FAM78B: variants seen among roughly 807,000 people sequenced by gnomAD.
The protein encoded by FAM78B is protein FAM78B.
A neutral mutation model predicts 20.0 loss-of-function variants in FAM78B; 10 were observed. The observed-to-expected ratio is 0.50, with a 90% confidence interval of 0.31 to 0.85. The LOEUF is 0.85. FAM78B is among the 40% of genes least tolerant of loss of function. The pLI, the probability that FAM78B is intolerant of heterozygous loss-of-function variation, is 0.05. For missense variants in FAM78B, 283 were observed against 345.0 expected, an observed-to-expected ratio of 0.82 and a Z score of 1.42; for synonymous variants, 135 against 132.8, an observed-to-expected ratio of 1.02 and a Z score of -0.12.
chr1:166,114,811 C>T (rs2101762429), intron 1 of FAM78B, among the ~76,000 whole-genome samples: 1 of 152,264 alleles, frequency 6.6e-6, no homozygotes, highest in Non-Finnish European at 1.5e-5. Context: ...TTGTTGTTCT[C>T]TTTTTCCTTC....
Position 166,151,274 on chromosome 1 carries a change from G to T in FAM78B, c.263+14712C>A, listed in dbSNP as rs141861370. 2.9e-3 allele frequency among the ~76,000 whole-genome samples: 444 copies of T among 152,282 alleles called. 3 individuals carry two copies. The highest frequency in any genetic ancestry group is 0.01 in the African/African-American group (425 of 41,554). ...TTACTCTGCTTCAGTTTAACCAGGGGCATTTCTGATAGAACATTTCTTCAA... is the reference window on the plus strand; with the variant it reads ...TTACTCTGCTTCAGTTTAACCAGGGTCATTTCTGATAGAACATTTCTTCAA... On this transcript the variant is annotated intron_variant, in intron 1 of 1. Coordinates refer to ENST00000354422, the MANE Select transcript of FAM78B (RefSeq NM_001017961.5).
chr1:166,069,996 G>A lies in FAM78B; in HGVS notation c.*245C>T. Reference sequence around the variant, plus strand: ...GGTCAGCTCCAAAATATGGCTACTTGCATGGTAATCACAGCAAGTCTGTCA... The same window carrying A: ...GGTCAGCTCCAAAATATGGCTACTTACATGGTAATCACAGCAAGTCTGTCA... On this transcript the variant is annotated 3_prime_UTR_variant, in exon 2 of 2. Transcript: ENST00000354422. 1.6e-6 allele frequency: 2 copies of A among 1,213,086 alleles called. No homozygotes were observed. Among genetic ancestry groups the A allele is most frequent in the Non-Finnish European group, 2.1e-6 (2 of 974,976 alleles). The allele number at this position is 1,213,086 out of a possible 1,614,324, so 75.1% of individuals were successfully genotyped here. A position where few individuals can be genotyped will look rare whatever the true frequency, so the allele number is the denominator to read the frequency against.
intron 1 of FAM78B, among the ~76,000 whole-genome samples, chr1:166,101,944 A>T (rs1407498988): frequency 6.6e-6 from 1 of 152,190 alleles, no homozygotes. Flanking sequence ...AAAAAATGTT[A>T]AGGGCAGCCA....
intron 1 of FAM78B, among the ~76,000 whole-genome samples, chr1:166,089,008 T>C (rs1652954092): frequency 6.6e-6 from 1 of 152,096 alleles, no homozygotes; most frequent in Non-Finnish European, 1.5e-5. Flanking sequence ...TAGCTTTCCT[T>C]ATGGTCCTCC....
intron 1 of FAM78B, among the ~76,000 whole-genome samples, chr1:166,119,783 A>G (rs777560202): frequency 3.3e-5 from 5 of 152,254 alleles, no homozygotes; most frequent in Non-Finnish European, 5.9e-5. Flanking sequence ...GCGTGTCGTA[A>G]GTGGCCACAC....
rs553692339 is a variant in FAM78B at position 166,083,647 on chromosome 1, C to T, written c.264-12884G>A. ...AGCCTCCGGAGTAGCTAGGACTACACGTGCGTGCCACCACGCCCAGCTGAT... is the reference window on the plus strand; with the variant it reads ...AGCCTCCGGAGTAGCTAGGACTACATGTGCGTGCCACCACGCCCAGCTGAT... On this transcript the variant is annotated intron_variant, in intron 1 of 1. Transcript: ENST00000354422. Among the ~76,000 whole-genome samples, 20 of 152,206 alleles carry T rather than the reference C, an allele frequency of 1.3e-4. 1 individual carries two copies. The South Asian group carries it at 3.9e-3, about 30-fold the overall frequency.
exon 3 of FAM78B, chr1:166,059,515 T>A (rs899892902): frequency 1.3e-5 from 2 of 152,240 alleles, no homozygotes; most frequent in Non-Finnish European, 2.9e-5. Flanking sequence ...GGATATTTTT[T>A]AAGCTCCTCA....
At chr1:166,098,820 A>T (rs891241028) in intron 1 of FAM78B, among the ~76,000 whole-genome samples, 1 of 152,172 alleles carries the variant, frequency 6.6e-6, no homozygotes, top group African/African-American at 2.4e-5. Context: ...ACATATTTGG[A>T]GGAATAATCA....
At chr1:166,134,153 A>G (rs1046763995) in intron 1 of FAM78B, among the ~76,000 whole-genome samples, 1 of 152,116 alleles carries the variant, frequency 6.6e-6, no homozygotes, top group African/African-American at 2.4e-5. Flanking sequence ...GAAGGGAGAA[A>G]TGCTCTACTT....
chr1:166,111,322 A>C (rs1431537801), intron 1 of FAM78B, among the ~76,000 whole-genome samples: 1 of 152,156 alleles, frequency 6.6e-6, no homozygotes, highest in Non-Finnish European at 1.5e-5. Context: ...GGTTATATTG[A>C]ATTTCATATT....
chr1:166,110,033 A>G (rs542470615), intron 1 of FAM78B, among the ~76,000 whole-genome samples: 2 of 149,546 alleles, frequency 1.3e-5, no homozygotes, highest in South Asian at 2.1e-4. Flanking sequence ...AAAACCAAAC[A>G]TCGTATGTTC....
At chr1:166,097,822 T>C (rs189543190) in intron 1 of FAM78B, among the ~76,000 whole-genome samples, 85 of 151,362 alleles carry the variant, frequency 5.6e-4, no homozygotes, top group African/African-American at 2.0e-3. Context: ...ACAAAGGGCA[T>C]ATAATCTTGG....
chr1:166,141,560 G>T (rs904761919), intron 1 of FAM78B, among the ~76,000 whole-genome samples: 1 of 152,186 alleles, frequency 6.6e-6, no homozygotes, highest in African/African-American at 2.4e-5. Context: ...AATAGGTACT[G>T]AACAGTTGTT....
intron 1 of FAM78B, among the ~76,000 whole-genome samples, chr1:166,082,350 G>C (rs10753702): frequency 1.3e-5 from 2 of 151,974 alleles, no homozygotes; most frequent in Non-Finnish European, 2.9e-5. Flanking sequence ...TTTTCTTTCA[G>C]TTCTTTACAA....
chr1:166,058,026 G>A (rs949396449), exon 3 of FAM78B: 1 of 151,806 alleles, frequency 6.6e-6, no homozygotes, highest in African/African-American at 2.4e-5. Flanking sequence ...AAATTATGGA[G>A]GGTATAATGT....
rs1571129028 is a variant in FAM78B at position 166,069,512 on chromosome 1, T to A, written c.*729A>T. 6.6e-6 allele frequency: 1 copy of A among 152,324 alleles called. No individual in the cohort carries two copies. Among genetic ancestry groups the A allele is most frequent in the South Asian group, 2.1e-4 (1 of 4,830 alleles). The allele number at this position is 152,324 out of a possible 1,614,324, so 9.4% of individuals were successfully genotyped here. On this transcript the variant is annotated 3_prime_UTR_variant, in exon 2 of 2. Transcript: ENST00000354422. ...ATGTGGGAATTACAAAGCCAAATAC[T>A]GTGATTAAAAATACTCTGAATAAGC...
At chr1:166,124,133 C>G (rs1033917518) in intron 1 of FAM78B, among the ~76,000 whole-genome samples, 1 of 152,218 alleles carries the variant, frequency 6.6e-6, no homozygotes, top group African/African-American at 2.4e-5. Flanking sequence ...GTTTCCAGCA[C>G]ACACCAGTCT....
At chr1:166,118,928 T>C (rs1213146877) in intron 1 of FAM78B, among the ~76,000 whole-genome samples, 1 of 152,064 alleles carries the variant, frequency 6.6e-6, no homozygotes, top group African/African-American at 2.4e-5. Context: ...CATTTTGTCA[T>C]TTTGCAGACA....
chr1:166,078,011 A>T (rs866071263), intron 1 of FAM78B, among the ~76,000 whole-genome samples: 2 of 124,586 alleles, frequency 1.6e-5, no homozygotes, highest in African/African-American at 6.2e-5. Flanking sequence ...TATATATAAT[A>T]AATATATATA....
Sources: allele counts gnomAD v4.1 joint callset (sites outside exome capture counted in the v4.1 genomes callset), GRCh38; gene constraint gnomAD v4.1.1; transcripts MANE v1.5; gene names NCBI Gene and HGNC (gene_info 2026-07-23, HGNC 2026-07-21).